ZNF484: variants seen among roughly 807,000 people sequenced by gnomAD.
ZNF484 encodes zinc finger protein 484, also known as KRAB box containing C2H2 type zinc finger bA526D8.4.
A neutral mutation model predicts 12.9 loss-of-function variants in ZNF484; 11 were observed. That is an observed-to-expected ratio of 0.85 (90% CI 0.54 to 1.41). The LOEUF (loss-of-function observed/expected upper bound fraction) is 1.41, where lower values mean the gene tolerates loss of function less well. ZNF484 is among the 40% of genes most tolerant of loss of function. The probability of loss-of-function intolerance (pLI) is 0.00; values close to 1 mark genes in which losing one functional copy is unlikely to be tolerated. For missense variants in ZNF484, 807 were observed against 1,007.7 expected, an observed-to-expected ratio of 0.80 and a Z score of 2.70; for synonymous variants, 289 against 334.1, an observed-to-expected ratio of 0.86 and a Z score of 1.47.
Position 92,847,186 on chromosome 9 carries a change from G to A in ZNF484, c.1601C>T (p.Thr534Ile). 1.9e-6 allele frequency: 3 copies of A among 1,614,016 alleles called. No homozygotes were observed. The highest frequency in any genetic ancestry group is 2.5e-6 in the Non-Finnish European group (3 of 1,180,006). Residue 534 changes from threonine (T) to isoleucine (I), a missense_variant, in exon 5 of 5, where the codon ACC becomes ATC. Physicochemically the swap from Thr to Ile is moderately conservative, Grantham distance 89. Transcript: ENST00000375495. ...YKCSDCGKSFTWKSRLRIHQK... is the reference protein window; with the variant it reads ...YKCSDCGKSFIWKSRLRIHQK... ...ATGTATCCTGAGCCGAGACTTCCAG[G>A]TGAATGATTTTCCACAGTCGCTGCA...
In ZNF484 at chr9:92,846,917, G is replaced by A; in HGVS notation, c.1870C>T (p.His624Tyr). Residue 624 changes from histidine (H) to tyrosine (Y), a missense_variant, in exon 5 of 5, where the codon CAC becomes TAC. By Grantham distance (83) the His-to-Tyr change is moderately conservative. Coordinates refer to ENST00000375495, the MANE Select transcript of ZNF484 (RefSeq NM_031486.4). ...CCTGTGTGAATCTGCTGATGTACGTGGAGCTGTGATTTCTTAGTGAAGGAT... is the reference window on the plus strand; with the variant it reads ...CCTGTGTGAATCTGCTGATGTACGTAGAGCTGTGATTTCTTAGTGAAGGAT... ...GKSFTKKSQL[H>Y]VHQQIHTGEK... is the part of the protein sequence containing the mutation. 1 of 1,613,592 alleles carries A rather than the reference G, an allele frequency of 6.2e-7. No homozygotes were observed. The highest frequency in any genetic ancestry group is 8.5e-7 in the Non-Finnish European group (1 of 1,179,922).
In ZNF484 at chr9:92,846,246, G is replaced by A. The variant is rs139399797; in HGVS notation, c.2541C>T (p.Gly847=). The A allele has an allele frequency of 3.0e-5, 48 of 1,613,088 alleles. 1 individual carries two copies. In the South Asian group the frequency reaches 4.5e-4, roughly 15 times the overall value. Residue 847 remains glycine (G), a synonymous_variant, in exon 5 of 5, where the codon GGC becomes GGT. Coordinates refer to ENST00000375495, the MANE Select transcript of ZNF484 (RefSeq NM_031486.4). ...LWCGDSEGDQ[G]QLSSI The stretch of plus-strand genomic sequence containing the variant: ...ATTCTAACTAGATAGAAGAAAGTTG[G>A]CCTTGGTCACCTTCTGAGTCCCCAC...
intron 2 of ZNF484, among the ~76,000 whole-genome samples, chr9:92,865,617 T>C (rs1396170337): frequency 6.6e-6 from 1 of 151,998 alleles, no homozygotes; most frequent in Non-Finnish European, 1.5e-5. Context: ...ATACTAAAGT[T>C]GGAGAGGGGC....
At position 92,846,851 on chromosome 9, in the gene ZNF484, T is replaced by G; in HGVS notation, c.1936A>C (p.Thr646Pro). 6.2e-7 allele frequency: 1 copy of G among 1,614,068 alleles called. No individual in the cohort carries two copies. Among genetic ancestry groups the G allele is most frequent in the Non-Finnish European group, 8.5e-7 (1 of 1,180,008 alleles). ...TGTGTAAAGAGATTTGATCTGTCAG[T>G]AAAAGCCTTTCCACATTCAGCACAC... ...YRCAECGKAFTDRSNLFTHQK... is the reference protein window; with the variant it reads ...YRCAECGKAFPDRSNLFTHQK... The change falls in exon 5 of 5, where the codon ACT becomes CCT. Residue 646 changes from threonine (T) to proline (P), a missense_variant. Transcript: ENST00000375495.
chr9:92,863,192 T>C (rs563432572), intron 2 of ZNF484, among the ~76,000 whole-genome samples: 1 of 147,450 alleles, frequency 6.8e-6, no homozygotes, highest in East Asian at 2.0e-4. Context: ...TACATGTTCT[T>C]ACTTATAAGT....
chr9:92,868,176 C>CAGGACAAT (rs1857218344), intron 2 of ZNF484, among the ~76,000 whole-genome samples: 2 of 152,172 alleles, frequency 1.3e-5, no homozygotes, highest in African/African-American at 4.8e-5. Context: ...CTATGTCTTA[C>CAGGACAAT]CCAGCTTCTT....
chr9:92,856,866 C>T (rs1050348386), intron 2 of ZNF484, among the ~76,000 whole-genome samples: 1 of 152,162 alleles, frequency 6.6e-6, no homozygotes, highest in Admixed American at 6.5e-5. Flanking sequence ...GGACTACAGG[C>T]GCCCGCCACC....
In ZNF484 at chr9:92,845,949, C is replaced by A. The variant is rs763582580; in HGVS notation, c.*279G>T. 4.9e-5 allele frequency: 20 copies of A among 406,236 alleles called. No individual in the cohort carries two copies. In the South Asian group the frequency reaches 7.6e-4, roughly 15 times the overall value. 25.2% of individuals were successfully genotyped at this position (406,236 alleles called of 1,614,324 possible). ...AATGTAAAATTATCTCATCATACTA[C>A]TCATTATGAATTTTTGCGGGTCAAT... On this transcript the variant is annotated 3_prime_UTR_variant, in exon 5 of 5. Coordinates refer to ENST00000375495, the MANE Select transcript of ZNF484 (RefSeq NM_031486.4). This position sits in a 1 kb window ranked among gnomAD's most constrained non-coding sequence, Gnocchi z 4.0.
chr9:92,855,915 G>A lies in ZNF484; in HGVS notation c.143-12C>T. On this transcript the variant is annotated splice_polypyrimidine_tract_variant and intron_variant, in intron 3 of 4. Transcript: ENST00000375495. Reference sequence around the variant, plus strand: ...GGGAACTTGACATCCTGTTAACAGGGGATGATAGAGGACTTGATTTCAGAG... The same window carrying A: ...GGGAACTTGACATCCTGTTAACAGGAGATGATAGAGGACTTGATTTCAGAG... 1 of 1,612,522 alleles carries A rather than the reference G, an allele frequency of 6.2e-7. No individual in the cohort carries two copies. The highest frequency in any genetic ancestry group is 1.1e-5 in the South Asian group (1 of 90,744).
At chr9:92,869,594 T>G (rs941301392) in intron 2 of ZNF484, among the ~76,000 whole-genome samples, 1 of 152,116 alleles carries the variant, frequency 6.6e-6, no homozygotes, top group Admixed American at 6.5e-5. Context: ...ATACCCATAT[T>G]AGATGGAGGG....
chr9:92,848,002 G>A lies in ZNF484; in HGVS notation c.785C>T (p.Pro262Leu), dbSNP rs768219019. The A allele has an allele frequency of 1.8e-4, 290 of 1,614,002 alleles. No homozygotes were observed. Among genetic ancestry groups the A allele is most frequent in the East Asian group, 6.7e-4 (30 of 44,898 alleles). Residue 262 changes from proline (P) to leucine (L), a missense_variant, in exon 5 of 5, where the codon CCG becomes CTG. Physicochemically the swap from Pro to Leu is moderately conservative, Grantham distance 98. Coordinates refer to ENST00000375495, the MANE Select transcript of ZNF484 (RefSeq NM_031486.4). This position sits in a 1 kb window ranked among gnomAD's most constrained non-coding sequence, Gnocchi z 4.1. ...LFSDYVNVFS[P>L]KSHAFAHESI... ...CTCATGTGCAAAGGCATGTGACTTC[G>A]GGGAGAAAACATTTACGTAGTCAGA...
At chr9:92,861,796 C>T (rs1401862276) in intron 2 of ZNF484, among the ~76,000 whole-genome samples, 1 of 152,138 alleles carries the variant, frequency 6.6e-6, no homozygotes, top group African/African-American at 2.4e-5. Flanking sequence ...CTGAAAACCT[C>T]CCAAATCTGG....
At chr9:92,855,968 T>TC in intron 3 of ZNF484, 65 bp from the exon 4 acceptor site, 2 of 1,573,886 alleles carry the variant, frequency 1.3e-6, no homozygotes, top group Non-Finnish European at 1.7e-6. Flanking sequence ...TCCATTTTTT[T>TC]CCCAAAAAAG....
chr9:92,865,631 G>C (rs1433084560), intron 2 of ZNF484, among the ~76,000 whole-genome samples: 1 of 152,178 alleles, frequency 6.6e-6, no homozygotes, highest in African/African-American at 2.4e-5. Context: ...GAGGGGCCAG[G>C]TGCAGTGGCT....
intron 1 of ZNF484, 41 bp from the exon 2 acceptor site, chr9:92,875,100 A>G: frequency 3.1e-6 from 5 of 1,598,850 alleles, no homozygotes; most frequent in Non-Finnish European, 4.3e-6. Flanking sequence ...GAGAGAAGGA[A>G]CTGTGCCAAT....
In ZNF484 at chr9:92,877,888, A is replaced by T; in HGVS notation, c.-31+2T>A. The T allele has an allele frequency of 6.5e-7, 1 of 1,535,198 alleles. No homozygotes were observed. The highest frequency in any genetic ancestry group is 8.7e-7 in the Non-Finnish European group (1 of 1,146,576). ...CACAGATGCTGCCATCCCTCTACTC[A>T]CCTGCCCCTCACCCACGTCCTCTCA... On this transcript the variant is annotated splice_donor_variant, in intron 1 of 4. Coordinates refer to ENST00000375495, the MANE Select transcript of ZNF484 (RefSeq NM_031486.4). LOFTEE classifies it low-confidence loss of function (5UTR_SPLICE).
At chr9:92,857,966 A>G (rs953995352) in intron 2 of ZNF484, among the ~76,000 whole-genome samples, 2 of 152,192 alleles carry the variant, frequency 1.3e-5, no homozygotes, top group Non-Finnish European at 2.9e-5. Flanking sequence ...CATGTTGCCC[A>G]GGCTGGTCTG....
intron 2 of ZNF484, among the ~76,000 whole-genome samples, chr9:92,862,619 G>GA (rs34920162): frequency 0.36 from 55,347 of 151,940 alleles, 10,344 homozygotes; most frequent in Admixed American, 0.42. Context: ...TGTATGCAGT[G>GA]AAGGAAAGGT....
chr9:92,849,611 C>T (rs1023095114), intron 4 of ZNF484, among the ~76,000 whole-genome samples: 16 of 152,018 alleles, frequency 1.1e-4, no homozygotes, highest in African/African-American at 3.9e-4. Context: ...CATAGTGAGA[C>T]CCCCATCTCT....
Sources: allele counts gnomAD v4.1 joint callset (sites outside exome capture counted in the v4.1 genomes callset), GRCh38; gene constraint gnomAD v4.1.1; non-coding constraint Gnocchi (gnomAD v3.1); transcripts MANE v1.5; gene names NCBI Gene and HGNC (gene_info 2026-07-23, HGNC 2026-07-21).